The following NRXN1 variants were observed in gnomAD, a reference collection of about 807,000 sequenced individuals.
The protein encoded by NRXN1 is neurexin 1.
In NRXN1, 39 loss-of-function variants were observed where a neutral mutation model predicts 150.9. The observed-to-expected ratio is 0.26, with a 90% CI of 0.20 to 0.34. The LOEUF (loss-of-function observed/expected upper bound fraction) is 0.34, where lower values mean the gene tolerates loss of function less well. Among genes scored for constraint, NRXN1 ranks in the 10% least tolerant of loss-of-function variants. The pLI is 1.00. For synonymous variants in NRXN1, 924 were observed against 757.0 expected (o/e 1.22, Z -3.62); for missense variants, 1,815 against 1,949.9 (o/e 0.93, Z 1.30).
At chr2:50,983,310 GA>G (rs1435745031) in intron 2 of NRXN1, among the ~76,000 whole-genome samples, 51 of 152,196 alleles carry the variant, frequency 3.4e-4, no homozygotes. Context: ...CTCCTCGATA[GA>G]AAAATCAATT....
Position 50,828,194 on chromosome 2 carries a change from A to G in NRXN1, c.832+93675T>C, listed in dbSNP as rs1004747657. 3.6e-3 allele frequency among the ~76,000 whole-genome samples: 465 copies of G among 130,868 alleles called. 4 individuals are homozygous for G. Among genetic ancestry groups the G allele is most frequent in the African/African-American group, 0.013 (439 of 34,012 alleles). 85.9% of individuals were successfully genotyped at this position (130,868 alleles called of 152,430 possible). A position where few individuals can be genotyped will look rare whatever the true frequency, so the allele number is the denominator to read the frequency against. ...CCAGTAGGGGCGGCCGGGCAGAGGC[A>G]CCCCTCACCTCCCGGACGGGGCGGC... is the stretch of plus-strand genomic sequence containing the variant. On this transcript the variant is annotated intron_variant, in intron 5 of 22. Coordinates refer to ENST00000401669, the MANE Select transcript of NRXN1 (RefSeq NM_001330078.2).
At chr2:50,774,527 T>G (rs1244624320) in intron 5 of NRXN1, among the ~76,000 whole-genome samples, 2 of 152,208 alleles carry the variant, frequency 1.3e-5, no homozygotes, top group African/African-American at 4.8e-5. Context: ...GAAAGTATGT[T>G]TTATAAAATA....
intron 2 of NRXN1, among the ~76,000 whole-genome samples, chr2:50,983,864 A>C (rs1697240036): frequency 6.6e-6 from 1 of 152,238 alleles, no homozygotes; most frequent in East Asian, 1.9e-4. Flanking sequence ...TCTTCTACAT[A>C]AAATTCTGTA....
intron 9 of NRXN1, among the ~76,000 whole-genome samples, chr2:50,539,921 G>A (rs1019395278): frequency 1.3e-5 from 2 of 152,110 alleles, no homozygotes; most frequent in African/African-American, 4.8e-5. Flanking sequence ...TTGCTACACA[G>A]AATACCAAAA....
At chr2:50,739,254 T>A (rs1311257550) in intron 5 of NRXN1, 2 of 508,134 alleles carry the variant, frequency 3.9e-6, no homozygotes, top group Non-Finnish European at 7.9e-6. Flanking sequence ...ATTTTATTAA[T>A]GAGACTTACT....
At position 50,064,086 on chromosome 2, in the gene NRXN1, TG is replaced by T. The variant is rs1219632997; in HGVS notation, c.3719-9043del. Among the ~76,000 whole-genome samples, 3 of 152,130 alleles carry T rather than the reference TG, an allele frequency of 2.0e-5. No individual in the cohort carries two copies. The East Asian group carries it at 5.8e-4, about 29-fold the overall frequency. ...GCAAAACGTTATAGTAAATTTTGCT[TG>T]GACGTCAGATTTCCTTTTTTCTTCT... On this transcript the variant is annotated intron_variant, in intron 19 of 22. Coordinates refer to ENST00000401669, the MANE Select transcript of NRXN1 (RefSeq NM_001330078.2).
rs961620216 is a variant in NRXN1, at chr2:50,453,200, A to G, written c.3364+12242T>C. On this transcript the variant is annotated intron_variant, in intron 17 of 22. Coordinates refer to ENST00000401669, the MANE Select transcript of NRXN1 (RefSeq NM_001330078.2). ...AATCTAATAGTCTAATAGTCCTTCA[A>G]TGTAAGGGTATATTAGAATCATATG... 3.3e-4 allele frequency among the ~76,000 whole-genome samples: 50 copies of G among 151,482 alleles called. 1 individual carries two copies.
intron 18 of NRXN1, among the ~76,000 whole-genome samples, chr2:50,097,019 G>T (rs80030091): frequency 0.012 from 1,825 of 152,266 alleles, 48 homozygotes; most frequent in African/African-American, 0.042. Flanking sequence ...GGATAAAGCA[G>T]AATACACGTA....
intron 17 of NRXN1, among the ~76,000 whole-genome samples, chr2:50,429,654 T>C (rs1022954552): frequency 1.4e-4 from 21 of 152,154 alleles, no homozygotes; most frequent in Admixed American, 1.2e-3. Context: ...GGAAAAATAA[T>C]ATCTTTTTTT....
At chr2:50,238,104 T>C (rs1033569795) in intron 17 of NRXN1, among the ~76,000 whole-genome samples, 2 of 151,988 alleles carry the variant, frequency 1.3e-5, no homozygotes, top group African/African-American at 4.8e-5. Flanking sequence ...AATTACCCAG[T>C]CTCAGGGAAG....
chr2:50,113,848 G>T (rs192833273), intron 18 of NRXN1, among the ~76,000 whole-genome samples: 1 of 152,138 alleles, frequency 6.6e-6, no homozygotes, highest in Non-Finnish European at 1.5e-5. Context: ...TTATTATATC[G>T]AAATGACTTC....
intron 17 of NRXN1, among the ~76,000 whole-genome samples, chr2:50,327,278 A>G (rs982263014): frequency 4.6e-5 from 7 of 152,212 alleles, no homozygotes; most frequent in Non-Finnish European, 1.5e-5. Context: ...CAAAGAAACC[A>G]GACACAAAAC....
At chr2:50,694,148 T>C (rs1438037275) in intron 5 of NRXN1, among the ~76,000 whole-genome samples, 2 of 152,196 alleles carry the variant, frequency 1.3e-5, no homozygotes, top group East Asian at 1.9e-4. Context: ...TAGCAAGTGA[T>C]GTTTAATGGC....
intron 17 of NRXN1, among the ~76,000 whole-genome samples, chr2:50,389,694 AT>A (rs1437396011): frequency 6.6e-6 from 1 of 152,070 alleles, no homozygotes; most frequent in Non-Finnish European, 1.5e-5. Flanking sequence ...ATAAATTGCT[AT>A]TTTTTATCAA....
At chr2:50,166,707 G>T (rs895598295) in intron 18 of NRXN1, among the ~76,000 whole-genome samples, 1 of 152,084 alleles carries the variant, frequency 6.6e-6, no homozygotes, top group Admixed American at 6.5e-5. Flanking sequence ...TTAAATGAAA[G>T]CCATTGATTG....
chr2:50,704,113 G>T (rs1208309521), intron 5 of NRXN1, among the ~76,000 whole-genome samples: 1 of 151,846 alleles, frequency 6.6e-6, no homozygotes, highest in Non-Finnish European at 1.5e-5. Context: ...ATATAAACTG[G>T]ATCAGATTCT....
chr2:50,487,519 A>G (rs1041786207), intron 15 of NRXN1, among the ~76,000 whole-genome samples: 1 of 152,224 alleles, frequency 6.6e-6, no homozygotes, highest in Admixed American at 6.5e-5. Context: ...GTCATTAAAA[A>G]TGCACTTTCC....
intron 15 of NRXN1, among the ~76,000 whole-genome samples, chr2:50,494,369 T>TA (rs2091440199): frequency 1.3e-5 from 2 of 152,210 alleles, no homozygotes; most frequent in Non-Finnish European, 2.9e-5. Context: ...CACTGGATTT[T>TA]ACAATCTCTC....
intron 8 of NRXN1, among the ~76,000 whole-genome samples, chr2:50,570,244 G>A: frequency 6.6e-6 from 1 of 151,836 alleles, no homozygotes; most frequent in South Asian, 2.1e-4. Context: ...GACATGGGCT[G>A]GCAGCAGAGT....
Sources: gnomAD v4.1 joint callset for allele counts (sites outside exome capture counted in the v4.1 genomes callset) on GRCh38, gnomAD v4.1.1 for gene constraint, MANE v1.5 for transcripts, NCBI Gene and HGNC (gene_info 2026-07-23, HGNC 2026-07-21) for gene names.